Variants in CCNY observed in about 807,000 individuals in gnomAD.
The protein encoded by CCNY is cyclin Y, also known as cyclin-Y.
In CCNY, 19 loss-of-function variants were observed where a neutral mutation model predicts 42.8. The ratio of observed to expected loss-of-function variants is 0.44; its 90% CI spans 0.31 to 0.65. The LOEUF is 0.65. CCNY is among the 30% of genes least tolerant of loss of function. The pLI, the probability that CCNY is intolerant of heterozygous loss-of-function variation, is 0.07. For synonymous variants in CCNY, 165 were observed against 162.7 expected, an observed-to-expected ratio of 1.01 and a Z score of -0.11; for missense variants, 370 against 437.3, an observed-to-expected ratio of 0.85 and a Z score of 1.37.
In CCNY at chr10:35,483,485, C is replaced by T. The variant is rs2135367602; in HGVS notation, c.229+7C>T. Reference sequence around the variant, plus strand: ...AGTAAATCTCAGACGGACGGTAGGTCCTTAATTTATGTTTCTTTTTGTAAA... The same window carrying T: ...AGTAAATCTCAGACGGACGGTAGGTTCTTAATTTATGTTTCTTTTTGTAAA... On this transcript the variant is annotated splice_region_variant and intron_variant, in intron 2 of 9. Transcript: ENST00000374704. 6.4e-7 allele frequency: 1 copy of T among 1,563,344 alleles called. No homozygotes were observed. Among genetic ancestry groups the T allele is most frequent in the Non-Finnish European group, 8.8e-7 (1 of 1,139,482 alleles).
chr10:35,428,169 C>T (rs961719121), intron 1 of CCNY, among the ~76,000 whole-genome samples: 3 of 152,188 alleles, frequency 2.0e-5, no homozygotes, highest in Admixed American at 6.5e-5. Context: ...TGTCACTGCT[C>T]TTGTGTTCTT....
chr10:35,247,840 CACTCCAGCCTGGGTGACAGAGCAAG>C (rs2095709170), intron 1 of CCNY, among the ~76,000 whole-genome samples: 1 of 128,974 alleles, frequency 7.8e-6, no homozygotes, highest in African/African-American at 3.0e-5. Context: ...CGCGCCACTG[CACTCCAGCCTGGGTGACAGAGCAAG>C]ACTCCATCTC....
intron 1 of CCNY, among the ~76,000 whole-genome samples, chr10:35,342,339 T>C (rs1020529244): frequency 1.3e-5 from 2 of 152,244 alleles, no homozygotes; most frequent in African/African-American, 4.8e-5. Flanking sequence ...CCGTGGACTT[T>C]CTTTCCAGGC....
intron 1 of CCNY, among the ~76,000 whole-genome samples, chr10:35,389,073 C>T (rs929675110): frequency 6.6e-6 from 1 of 152,192 alleles, no homozygotes; most frequent in African/African-American, 2.4e-5. Flanking sequence ...CCTTAATTCC[C>T]CTTTGCCATG....
intron 3 of CCNY, among the ~76,000 whole-genome samples, chr10:35,510,251 GTCAC>G (rs1840298789): frequency 6.6e-6 from 1 of 152,044 alleles, no homozygotes; most frequent in South Asian, 2.1e-4. Context: ...GTTTCACTCT[GTCAC>G]TCAGGGTGGA....
At chr10:35,406,195 T>TTTTTATTTTA (rs1023636138) in intron 1 of CCNY, among the ~76,000 whole-genome samples, 6 of 145,940 alleles carry the variant, frequency 4.1e-5, no homozygotes, top group African/African-American at 1.5e-4. Flanking sequence ...TTTTTTTTCT[T>TTTTTATTTTA]TTTTATTTTA....
At chr10:35,259,495 G>GTTTTTTTTTTTTTT (rs35988898) in intron 3 of CCNY, among the ~76,000 whole-genome samples, 1 of 65,154 alleles carries the variant, frequency 1.5e-5, no homozygotes, top group African/African-American at 6.8e-5. Flanking sequence ...AGTCCTGGTT[G>GTTTTTTTTTTTTTT]TTTTTTTTTT....
chr10:35,439,865 T>C (rs1200161378), intron 1 of CCNY, among the ~76,000 whole-genome samples: 1 of 152,214 alleles, frequency 6.6e-6, no homozygotes, highest in Non-Finnish European at 1.5e-5. Context: ...TAGCCGCTGT[T>C]GACACTGAGG....
intron 1 of CCNY, among the ~76,000 whole-genome samples, chr10:35,404,465 G>C (rs370574079): frequency 6.6e-6 from 1 of 152,128 alleles, no homozygotes; most frequent in Non-Finnish European, 1.5e-5. Flanking sequence ...TCTAGGTTTG[G>C]TTTTGTGAGT....
At chr10:35,476,643 G>C (rs1201519757) in intron 1 of CCNY, among the ~76,000 whole-genome samples, 6 of 150,910 alleles carry the variant, frequency 4.0e-5, no homozygotes, top group South Asian at 2.1e-4. Context: ...GCAGTGTGTA[G>C]AGGGAAATTT....
chr10:35,506,368 G>A (rs1840214061), intron 3 of CCNY, among the ~76,000 whole-genome samples: 1 of 152,158 alleles, frequency 6.6e-6, no homozygotes, highest in Non-Finnish European at 1.5e-5. Flanking sequence ...TTGACATGGG[G>A]TAGGTGTTTT....
chr10:35,255,305 T>C (rs1024881667), intron 3 of CCNY, among the ~76,000 whole-genome samples: 2 of 150,266 alleles, frequency 1.3e-5, no homozygotes, highest in Admixed American at 6.7e-5. Flanking sequence ...GTGAGGTGCA[T>C]AGATATTTAT....
chr10:35,430,424 A>T (rs1838365265), intron 1 of CCNY, among the ~76,000 whole-genome samples: 1 of 151,124 alleles, frequency 6.6e-6, no homozygotes, highest in African/African-American at 2.4e-5. Flanking sequence ...TTTCATGGTA[A>T]TTTTTTTTAA....
chr10:35,516,070 T>G (rs1840420759), intron 3 of CCNY, among the ~76,000 whole-genome samples: 1 of 152,228 alleles, frequency 6.6e-6, no homozygotes, highest in South Asian at 2.1e-4. Flanking sequence ...TTGGCTGCAT[T>G]TTCCATGGCC....
At chr10:35,324,186 A>G (rs1270070890) in intron 3 of CCNY, among the ~76,000 whole-genome samples, 1 of 152,152 alleles carries the variant, frequency 6.6e-6, no homozygotes, top group Middle Eastern at 3.2e-3. Flanking sequence ...TCATAGCTCA[A>G]AGCCTTGTCC....
At chr10:35,552,221 TG>T (rs1486313245) in intron 7 of CCNY, among the ~76,000 whole-genome samples, 2 of 152,178 alleles carry the variant, frequency 1.3e-5, no homozygotes, top group Non-Finnish European at 2.9e-5. Flanking sequence ...TGCCACAACA[TG>T]GGTGAACCTT....
chr10:35,506,301 A>G (rs1840212673), intron 3 of CCNY, among the ~76,000 whole-genome samples: 1 of 152,260 alleles, frequency 6.6e-6, no homozygotes, highest in African/African-American at 2.4e-5. Flanking sequence ...TCATGTGACT[A>G]AAGGAACCTT....
chr10:35,556,979 G>A (rs1657123036), intron 8 of CCNY, among the ~76,000 whole-genome samples: 1 of 151,856 alleles, frequency 6.6e-6, no homozygotes, highest in Non-Finnish European at 1.5e-5. Flanking sequence ...TGAGTAGCTG[G>A]GATTACAGGC....
At chr10:35,364,434 C>CT (rs1283195718) in intron 1 of CCNY, among the ~76,000 whole-genome samples, 3 of 152,136 alleles carry the variant, frequency 2.0e-5, no homozygotes, top group Non-Finnish European at 4.4e-5. Flanking sequence ...CATTGAAGGA[C>CT]TGACTGCTGA....
Sources: gnomAD v4.1 joint callset for allele counts (sites outside exome capture counted in the v4.1 genomes callset) on GRCh38, gnomAD v4.1.1 for gene constraint, MANE v1.5 for transcripts, NCBI Gene and HGNC (gene_info 2026-07-23, HGNC 2026-07-21) for gene names.